Variants in POLR1F observed in about 807,000 individuals in gnomAD.
The protein encoded by POLR1F is RNA polymerase I subunit F.
Under a neutral mutation model 21.8 loss-of-function variants are expected in POLR1F, and 23 were observed. The observed-to-expected ratio is 1.05, with a 90% CI of 0.76 to 1.49. POLR1F has a LOEUF of 1.49. Among genes scored for constraint, POLR1F ranks in the 40% most tolerant of loss-of-function variants. POLR1F has a pLI of 0.00. For synonymous variants in POLR1F, 162 were observed against 152.8 expected (o/e 1.06, Z -0.45); for missense variants, 435 against 412.1 (o/e 1.06, Z -0.48).
At chr7:19,706,257 G>T (rs547563088) in intron 1 of POLR1F, among the ~76,000 whole-genome samples, 44 of 152,100 alleles carry the variant, frequency 2.9e-4, no homozygotes, top group Non-Finnish European at 5.7e-4. Flanking sequence ...TTTAATTTCC[G>T]CATGTGGCAT....
rs1005214980 is a variant in POLR1F, at chr7:19,700,537, C to T, written c.397-257G>A. 3.5e-4 allele frequency among the ~76,000 whole-genome samples: 53 copies of T among 152,110 alleles called. 1 individual carries two copies. Among genetic ancestry groups the T allele is most frequent in the Admixed American group, 3.2e-3 (49 of 15,266 alleles). On this transcript the variant is annotated intron_variant, in intron 2 of 3. Transcript: ENST00000222567. ...ATTGCACATTAACTGTCTAACTGGG[C>T]ACATTAACTTTCTAACTGGATAAAC...
In POLR1F at chr7:19,700,295, G is replaced by A. The variant is rs747602644; in HGVS notation, c.397-15C>T. 11 of 1,601,106 alleles carry A rather than the reference G, an allele frequency of 6.9e-6. No homozygotes were observed. Among genetic ancestry groups the A allele is most frequent in the African/African-American group, 1.3e-5 (1 of 74,604 alleles). ...TTAACTATACCCTGGGAAGAAGAAG[G>A]AAGAAAGAGCGTAACATAAAGAACA... On this transcript the variant is annotated splice_polypyrimidine_tract_variant and intron_variant, in intron 2 of 3. Coordinates refer to ENST00000222567, the MANE Select transcript of POLR1F (RefSeq NM_001002926.2).
At chr7:19,700,039 T>A (rs1328424145) in intron 3 of POLR1F, 33 bp downstream of exon 3, 1 of 1,511,858 alleles carries the variant, frequency 6.6e-7, no homozygotes, top group Admixed American at 1.7e-5. Flanking sequence ...AGAAATTAAG[T>A]ACCTAGTGAT....
In POLR1F at chr7:19,697,301, T is replaced by C. The variant is rs1221685814; in HGVS notation, c.*1015A>G. ...ACAAGGGAAGGAACTACATCTATCT[T>C]GTTTGCCATTGTATCCCTGGGCCTT... On this transcript the variant is annotated 3_prime_UTR_variant, in exon 4 of 4. Coordinates refer to ENST00000222567, the MANE Select transcript of POLR1F (RefSeq NM_001002926.2). 6.6e-6 allele frequency: 1 copy of C among 152,152 alleles called. No homozygotes were observed. The highest frequency in any genetic ancestry group is 1.5e-5 in the Non-Finnish European group (1 of 67,986). 9.4% of individuals were successfully genotyped at this position (152,152 alleles called of 1,614,324 possible). A position where few individuals can be genotyped will look rare whatever the true frequency, so the allele number is the denominator to read the frequency against.
chr7:19,703,957 C>G (rs1428223496), intron 2 of POLR1F, among the ~76,000 whole-genome samples: 1 of 152,084 alleles, frequency 6.6e-6, no homozygotes, highest in East Asian at 1.9e-4. Context: ...TGTTAATTTC[C>G]AAATACAAAT....
chr7:19,702,288 G>A (rs941115813), intron 2 of POLR1F, among the ~76,000 whole-genome samples: 3 of 152,116 alleles, frequency 2.0e-5, no homozygotes, highest in Non-Finnish European at 4.4e-5. Context: ...TAAAACTGCT[G>A]TTAAAAATAT....
rs1445549204 is a variant in POLR1F at position 19,695,990 on chromosome 7, T to A, written c.*2326A>T. ...AGAGCAGAAACTGCTTAAAAGTCATTTCTGTATCACTGGTGACTAGTGAGG... is the reference window on the plus strand; with the variant it reads ...AGAGCAGAAACTGCTTAAAAGTCATATCTGTATCACTGGTGACTAGTGAGG... On this transcript the variant is annotated 3_prime_UTR_variant, in exon 4 of 4. Coordinates refer to ENST00000222567, the MANE Select transcript of POLR1F (RefSeq NM_001002926.2). 3 of 152,240 alleles carry A rather than the reference T, an allele frequency of 2.0e-5. No individual in the cohort carries two copies. The highest frequency in any genetic ancestry group is 4.4e-5 in the Non-Finnish European group (3 of 67,972). 9.4% of individuals were successfully genotyped at this position (152,240 alleles called of 1,614,324 possible). A position where few individuals can be genotyped will look rare whatever the true frequency, so the allele number is the denominator to read the frequency against.
At position 19,708,863 on chromosome 7, in the gene POLR1F, G is replaced by A; in HGVS notation, c.154C>T (p.Pro52Ser). The change falls in exon 1 of 4, where the codon CCG becomes TCG. Residue 52 changes from proline to serine, a missense_variant. Coordinates refer to ENST00000222567, the MANE Select transcript of POLR1F (RefSeq NM_001002926.2). Reference protein sequence around the residue: ...NSRYSCLVAGPHQRHIALSPR... With the variant: ...NSRYSCLVAGSHQRHIALSPR... The stretch of plus-strand genomic sequence containing the variant: ...GACAGCGCGATGTGCCTTTGGTGCG[G>A]CCCGGCCACCAGGCATGAGTAGCGA... 1.2e-6 allele frequency: 2 copies of A among 1,614,198 alleles called. No individual in the cohort carries two copies. The highest frequency in any genetic ancestry group is 8.5e-7 in the Non-Finnish European group (1 of 1,180,016).
intron 2 of POLR1F, among the ~76,000 whole-genome samples, 190 bp downstream of exon 2, chr7:19,704,589 G>A (rs1040878271): frequency 6.6e-6 from 1 of 152,072 alleles, no homozygotes; most frequent in African/African-American, 2.4e-5. Flanking sequence ...GCATGTATGT[G>A]TTTTAGGAGG....
At position 19,700,393 on chromosome 7, in the gene POLR1F, A is replaced by T. The variant is rs914233369; in HGVS notation, c.397-113T>A. The stretch of plus-strand genomic sequence containing the variant: ...TCTTCAAAGAACAAACATCAAATTA[A>T]TGGTCTAATTTAATATGGAAAAAGT... On this transcript the variant is annotated intron_variant, in intron 2 of 3. Coordinates refer to ENST00000222567, the MANE Select transcript of POLR1F (RefSeq NM_001002926.2). 4.2e-5 allele frequency: 33 copies of T among 783,010 alleles called. No individual in the cohort carries two copies. In the African/African-American group the frequency reaches 4.5e-4, roughly 11 times the overall value. The allele number at this position is 783,010 out of a possible 1,614,324, so 48.5% of individuals were successfully genotyped here.
At position 19,697,557 on chromosome 7, in the gene POLR1F, C is replaced by T. The variant is rs1234969258; in HGVS notation, c.*759G>A. 1.3e-5 allele frequency: 2 copies of T among 152,164 alleles called. No homozygotes were observed. The highest frequency in any genetic ancestry group is 4.8e-5 in the African/African-American group (2 of 41,432). 9.4% of individuals were successfully genotyped at this position (152,164 alleles called of 1,614,324 possible). On this transcript the variant is annotated 3_prime_UTR_variant, in exon 4 of 4. Transcript: ENST00000222567. ...TTAAAAAGTAATCTGAAATTTCCCACTAGTCAGAATCACATTTATCCTGTC... is the reference window on the plus strand; with the variant it reads ...TTAAAAAGTAATCTGAAATTTCCCATTAGTCAGAATCACATTTATCCTGTC...
At chr7:19,701,416 G>A (rs1457234894) in intron 2 of POLR1F, among the ~76,000 whole-genome samples, 2 of 152,182 alleles carry the variant, frequency 1.3e-5, no homozygotes, top group African/African-American at 4.8e-5. Context: ...TGGAGCACAA[G>A]CGGTTTTTAG....
At chr7:19,704,669 C>G in intron 2 of POLR1F, 110 bp downstream of exon 2, 1 of 976,756 alleles carries the variant, frequency 1.0e-6, no homozygotes, top group East Asian at 3.0e-5. Context: ...TTTATTTACT[C>G]ACAATAGCAA....
Position 19,698,607 on chromosome 7 carries a change from A to G in POLR1F, c.726T>C (p.Ser242=). The G allele has an allele frequency of 1.2e-6, 2 of 1,613,278 alleles. No individual in the cohort carries two copies. Among genetic ancestry groups the G allele is most frequent in the South Asian group, 1.1e-5 (1 of 90,934 alleles). ...CATCATCTGCTAGCTTTGTGGTACC[A>G]CTGTCCACTTCATATGTCTCTGGGT... ...KKDPETYEVD[S]GTTKLADDAD... The change falls in exon 4 of 4, where the codon AGT becomes AGC. Residue 242 remains serine (S), a synonymous_variant. Transcript: ENST00000222567.
intron 2 of POLR1F, among the ~76,000 whole-genome samples, chr7:19,702,490 C>T (rs919991344): frequency 2.6e-5 from 4 of 152,162 alleles, no homozygotes; most frequent in Non-Finnish European, 5.9e-5. Flanking sequence ...AGAACAGTAT[C>T]TGCACAACTT....
Position 19,708,763 on chromosome 7 carries a change from C to G in POLR1F, c.254G>C (p.Ser85Thr). Residue 85 changes from serine (S) to threonine (T), a missense_variant and splice_region_variant, in exon 1 of 4, where the codon AGC (serine) becomes ACC (threonine). Ser to Thr is a moderately conservative substitution (Grantham distance 58). Coordinates refer to ENST00000222567, the MANE Select transcript of POLR1F (RefSeq NM_001002926.2). ...LDAELLRYSESLLGVPIAYDN... is the reference protein window; with the variant it reads ...LDAELLRYSETLLGVPIAYDN... ...AAGGAACAGGCAAAGAGATCGGTAC[C>G]TCTCAGAATAGCGAAGGAGCTCCGC... The G allele has an allele frequency of 6.2e-7, 1 of 1,607,870 alleles. No homozygotes were observed. Among genetic ancestry groups the G allele is most frequent in the Non-Finnish European group, 8.5e-7 (1 of 1,174,804 alleles).
At chr7:19,702,378 G>T (rs771171127) in intron 2 of POLR1F, among the ~76,000 whole-genome samples, 5 of 152,114 alleles carry the variant, frequency 3.3e-5, no homozygotes, top group Admixed American at 2.0e-4. Context: ...ATGAAGGAGA[G>T]AGTGGATCTC....
At chr7:19,698,931 AAAATGTTAAATTTAACATT>A (rs1206830800) in intron 3 of POLR1F, among the ~76,000 whole-genome samples, 1 of 152,114 alleles carries the variant, frequency 6.6e-6, no homozygotes, top group African/African-American at 2.4e-5. Context: ...GTTAAATTGA[AAAATGTTAAATTTAACATT>A]AAATGTTAAA....
rs1281065578 is a variant in POLR1F, at chr7:19,695,516, T to C, written c.*2800A>G. The C allele has an allele frequency of 1.3e-5, 2 of 152,118 alleles. No homozygotes were observed. Among genetic ancestry groups the C allele is most frequent in the Non-Finnish European group, 2.9e-5 (2 of 67,970 alleles). The allele number at this position is 152,118 out of a possible 1,614,324, so 9.4% of individuals were successfully genotyped here. Reference sequence around the variant, plus strand: ...AATTTAAAATTATCTGTTGATGCTTTCATTATACAAAGGATTCACTGTTAA... The same window carrying C: ...AATTTAAAATTATCTGTTGATGCTTCCATTATACAAAGGATTCACTGTTAA... On this transcript the variant is annotated 3_prime_UTR_variant, in exon 4 of 4. Coordinates refer to ENST00000222567, the MANE Select transcript of POLR1F (RefSeq NM_001002926.2).
Sources: gnomAD v4.1 joint callset for allele counts (sites outside exome capture counted in the v4.1 genomes callset) on GRCh38, gnomAD v4.1.1 for gene constraint, MANE v1.5 for transcripts, NCBI Gene and HGNC (gene_info 2026-07-23, HGNC 2026-07-21) for gene names.